Variants in ARHGAP15 observed in about 807,000 individuals in gnomAD.
The protein encoded by ARHGAP15 is Rho GTPase activating protein 15.
In ARHGAP15, 51 loss-of-function variants were observed where a neutral mutation model predicts 63.7. The ratio of observed to expected loss-of-function variants is 0.80; its 90% CI spans 0.64 to 1.01. The LOEUF (loss-of-function observed/expected upper bound fraction) is 1.01, where lower values mean the gene tolerates loss of function less well. Ranked by LOEUF, ARHGAP15 falls within the 50% of genes least tolerant of loss-of-function variation. ARHGAP15 has a pLI of 0.00. For missense variants in ARHGAP15, 560 were observed against 564.6 expected (o/e 0.99, Z 0.08); for synonymous variants, 191 against 193.8 (o/e 0.99, Z 0.12).
At chr2:143,370,053 A>T (rs1686474957) in intron 6 of ARHGAP15, among the ~76,000 whole-genome samples, 1 of 152,162 alleles carries the variant, frequency 6.6e-6, no homozygotes, top group African/African-American at 2.4e-5. Context: ...GATAAGGAGT[A>T]GGTCTTAAAA....
intron 11 of ARHGAP15, among the ~76,000 whole-genome samples, chr2:143,622,247 A>G (rs1483551373): frequency 6.6e-6 from 1 of 152,196 alleles, no homozygotes; most frequent in East Asian, 1.9e-4. Flanking sequence ...TGGGAAGAAC[A>G]CCAGCTGTAG....
intron 12 of ARHGAP15, 38 bp downstream of exon 12, chr2:143,624,305 C>A (rs1574724388): frequency 3.8e-6 from 6 of 1,573,232 alleles, no homozygotes; most frequent in Non-Finnish European, 5.2e-6. Flanking sequence ...GGTAGAATAA[C>A]CTGACATCCT....
chr2:143,313,571 G>A (rs1342916477), intron 6 of ARHGAP15, among the ~76,000 whole-genome samples: 2 of 152,140 alleles, frequency 1.3e-5, no homozygotes, highest in Non-Finnish European at 2.9e-5. Flanking sequence ...GGCAAGGAGT[G>A]TGTGTATGGG....
chr2:143,593,797 T>G (rs1697408736), intron 11 of ARHGAP15, among the ~76,000 whole-genome samples: 1 of 152,028 alleles, frequency 6.6e-6, no homozygotes, highest in Non-Finnish European at 1.5e-5. Context: ...AAAGAAACAC[T>G]CACAAGTAAA....
At chr2:143,710,953 C>G (rs1055652933) in intron 13 of ARHGAP15, among the ~76,000 whole-genome samples, 1 of 152,208 alleles carries the variant, frequency 6.6e-6, no homozygotes, top group African/African-American at 2.4e-5. Context: ...CAAATTCCTT[C>G]AGGAAGTCTC....
chr2:143,140,962 A>T (rs1466231829), intron 1 of ARHGAP15, among the ~76,000 whole-genome samples: 1 of 152,178 alleles, frequency 6.6e-6, no homozygotes, highest in Non-Finnish European at 1.5e-5. Flanking sequence ...GGGATTAGCA[A>T]GTGGGCAGTA....
chr2:143,327,918 AAATC>A (rs1434835973), intron 6 of ARHGAP15, among the ~76,000 whole-genome samples: 7 of 118,386 alleles, frequency 5.9e-5, no homozygotes, highest in Non-Finnish European at 8.9e-5. Flanking sequence ...CAAAAAAAAA[AAATC>A]CAAAAAGTGA....
At position 143,144,244 on chromosome 2, in the gene ARHGAP15, G is replaced by A. The variant is rs113724672; in HGVS notation, c.-14-11233G>A. 9.5e-3 allele frequency among the ~76,000 whole-genome samples: 1,438 copies of A among 152,062 alleles called. 22 individuals carry two copies. The highest frequency in any genetic ancestry group is 0.032 in the African/African-American group (1,345 of 41,516). On this transcript the variant is annotated intron_variant, in intron 1 of 13. Coordinates refer to ENST00000295095, the MANE Select transcript of ARHGAP15 (RefSeq NM_018460.4). Reference sequence around the variant, plus strand: ...TGAATATACACATGCATAAAGGGATGATTTATATTCCTTTGGGTATATACC... The same window carrying A: ...TGAATATACACATGCATAAAGGGATAATTTATATTCCTTTGGGTATATACC...
intron 1 of ARHGAP15, among the ~76,000 whole-genome samples, chr2:143,133,653 G>A (rs1398949541): frequency 6.6e-6 from 1 of 151,882 alleles, no homozygotes; most frequent in Admixed American, 6.6e-5. Context: ...TGTTTTGTTT[G>A]CTTTTAATTT....
intron 13 of ARHGAP15, among the ~76,000 whole-genome samples, chr2:143,738,419 A>G (rs750441095): frequency 2.6e-5 from 4 of 152,180 alleles, no homozygotes; most frequent in Non-Finnish European, 2.9e-5. Flanking sequence ...ATTTTTCCCA[A>G]GTAATCACTG....
At chr2:143,427,130 T>A (rs1376168303) in intron 6 of ARHGAP15, among the ~76,000 whole-genome samples, 4 of 152,156 alleles carry the variant, frequency 2.6e-5, no homozygotes, top group Non-Finnish European at 5.9e-5. Context: ...CATGGAACAA[T>A]TCTTGAATGT....
intron 6 of ARHGAP15, among the ~76,000 whole-genome samples, chr2:143,374,804 T>C (rs1686730759): frequency 6.6e-6 from 1 of 152,162 alleles, no homozygotes; most frequent in African/African-American, 2.4e-5. Context: ...CTCCTGGCCA[T>C]AGGTACTTCT....
chr2:143,750,248 T>C (rs1686320291), intron 13 of ARHGAP15, among the ~76,000 whole-genome samples: 1 of 152,196 alleles, frequency 6.6e-6, no homozygotes. Flanking sequence ...GAGACCAGCC[T>C]GGCCAACATG....
chr2:143,288,519 T>G (rs1259700684), intron 6 of ARHGAP15, among the ~76,000 whole-genome samples: 1 of 152,182 alleles, frequency 6.6e-6, no homozygotes, highest in African/African-American at 2.4e-5. Flanking sequence ...TAAGGGCTAT[T>G]CAGTCTTCCT....
At chr2:143,705,910 G>GT (rs1013288419) in intron 13 of ARHGAP15, among the ~76,000 whole-genome samples, 2 of 152,074 alleles carry the variant, frequency 1.3e-5, no homozygotes, top group Admixed American at 1.3e-4. Flanking sequence ...GCCTGATCCT[G>GT]TTTTTTACAT....
At chr2:143,219,059 A>G (rs752162617) in intron 4 of ARHGAP15, among the ~76,000 whole-genome samples, 18 of 152,268 alleles carry the variant, frequency 1.2e-4, no homozygotes, top group Admixed American at 9.8e-4. Flanking sequence ...ATTTCTTCCA[A>G]TTGCTGGCCA....
At chr2:143,496,364 T>C (rs1295689541) in intron 9 of ARHGAP15, among the ~76,000 whole-genome samples, 1 of 152,166 alleles carries the variant, frequency 6.6e-6, no homozygotes, top group Non-Finnish European at 1.5e-5. Context: ...AAAAGCAGAA[T>C]AGCTTTGGAG....
chr2:143,540,478 C>A (rs1694994958), intron 10 of ARHGAP15, among the ~76,000 whole-genome samples: 1 of 140,456 alleles, frequency 7.1e-6, no homozygotes, highest in African/African-American at 2.5e-5. Context: ...CCTTGATGGT[C>A]TTTACAATTT....
intron 6 of ARHGAP15, among the ~76,000 whole-genome samples, chr2:143,395,686 G>A (rs1387119629): frequency 6.6e-6 from 1 of 151,972 alleles, no homozygotes; most frequent in African/African-American, 2.4e-5. Context: ...AATCTAAAAG[G>A]TTTACAGATA....
Sources: gnomAD v4.1 joint callset for allele counts (sites outside exome capture counted in the v4.1 genomes callset) on GRCh38, gnomAD v4.1.1 for gene constraint, MANE v1.5 for transcripts, NCBI Gene and HGNC (gene_info 2026-07-23, HGNC 2026-07-21) for gene names.